The following PCLO variants were observed in gnomAD, a reference collection of about 807,000 sequenced individuals.
PCLO encodes the protein piccolo presynaptic cytomatrix protein, also known as protein piccolo.
PCLO carries 82 observed loss-of-function variants against 427.5 expected under a neutral mutation model. That is an observed-to-expected ratio of 0.19 (90% CI 0.16 to 0.23). The LOEUF is 0.23. Among genes scored for constraint, PCLO ranks in the 10% least tolerant of loss-of-function variants. PCLO has a pLI of 1.00. For missense variants in PCLO, 6,239 were observed against 6,115.9 expected, an observed-to-expected ratio of 1.02 and a Z score of -0.67; for synonymous variants, 2,357 against 2,155.4, an observed-to-expected ratio of 1.09 and a Z score of -2.59.
rs781257238 is a variant in PCLO at position 83,156,196 on chromosome 7, T to C, written c.445A>G (p.Lys149Glu). 3 of 1,613,676 alleles carry C rather than the reference T, an allele frequency of 1.9e-6. No individual in the cohort carries two copies. The East Asian group carries it at 6.7e-5, about 36-fold the overall frequency. Residue 149 changes from lysine to glutamate, a missense_variant, in exon 2 of 25, where the codon AAG becomes GAG. Physicochemically the swap from Lys to Glu is moderately conservative, Grantham distance 56 (BLOSUM62 1). This residue lies in a region of PCLO where 4,677 missense variants were observed against 4,468.4 expected (regional missense o/e 1.05). Coordinates refer to ENST00000333891, the MANE Select transcript of PCLO (RefSeq NM_033026.6). The part of the protein sequence containing the change: ...KSRTDLKEEH[K>E]SSMMPGFLSE... ...AGGAAGCCAGGCATCATACTAGACTTGTGCTCTTCCTTTAAATCAGTTCTG... is the reference window on the plus strand; with the variant it reads ...AGGAAGCCAGGCATCATACTAGACTCGTGCTCTTCCTTTAAATCAGTTCTG...
Position 83,150,215 on chromosome 7 carries a change from C to T in PCLO, c.1893+4533G>A, listed in dbSNP as rs1792095087. 2.0e-5 allele frequency among the ~76,000 whole-genome samples: 3 copies of T among 152,086 alleles called. No homozygotes were observed. The South Asian group carries it at 6.2e-4, about 32-fold the overall frequency. The stretch of plus-strand genomic sequence containing the variant: ...AAGAGATAAAGTAAATCAACGAAAA[C>T]AATATACTTCTGCCTCCAATTAGAA... On this transcript the variant is annotated intron_variant, in intron 2 of 24. Coordinates refer to ENST00000333891, the MANE Select transcript of PCLO (RefSeq NM_033026.6).
chr7:82,820,692 A>G (rs1051615448), intron 20 of PCLO: 13 of 1,230,832 alleles, frequency 1.1e-5, no homozygotes, highest in Non-Finnish European at 3.0e-6. Flanking sequence ...CTAAATTTTT[A>G]AAAGTTACAC....
At chr7:83,045,174 T>G (rs1168964531) in intron 3 of PCLO, among the ~76,000 whole-genome samples, 2 of 152,174 alleles carry the variant, frequency 1.3e-5, no homozygotes, top group African/African-American at 4.8e-5. Flanking sequence ...CTAATAAGTC[T>G]TGGGTGGTAA....
chr7:82,798,358 A>G (rs1187062956), intron 22 of PCLO, among the ~76,000 whole-genome samples: 2 of 151,948 alleles, frequency 1.3e-5, no homozygotes, highest in Admixed American at 6.6e-5. Context: ...TATTTTGTCT[A>G]AAAAAAATTG....
At chr7:83,083,651 T>C (rs1332241872) in intron 3 of PCLO, among the ~76,000 whole-genome samples, 1 of 152,014 alleles carries the variant, frequency 6.6e-6, no homozygotes, top group Non-Finnish European at 1.5e-5. Context: ...AGATGGTAAA[T>C]GAGTCTGTTT....
intron 20 of PCLO, among the ~76,000 whole-genome samples, chr7:82,807,639 T>C (rs568828293): frequency 2.0e-4 from 31 of 152,026 alleles, no homozygotes; most frequent in Non-Finnish European, 3.4e-4. Context: ...GGTAGCAGGT[T>C]CTCTAAAGCC....
At chr7:83,125,133 G>T (rs1791399814) in intron 3 of PCLO, among the ~76,000 whole-genome samples, 1 of 152,120 alleles carries the variant, frequency 6.6e-6, no homozygotes, top group African/African-American at 2.4e-5. Flanking sequence ...GCCTGCCTTG[G>T]CCTCCCAAAG....
chr7:83,110,886 C>T (rs1008540614), intron 3 of PCLO, among the ~76,000 whole-genome samples: 6 of 152,060 alleles, frequency 3.9e-5, no homozygotes, highest in Admixed American at 1.3e-4. Flanking sequence ...GTTCATTTAG[C>T]AAAGCAATGA....
At chr7:82,999,223 G>GAT (rs1218952026) in intron 3 of PCLO, among the ~76,000 whole-genome samples, 4 of 139,370 alleles carry the variant, frequency 2.9e-5, no homozygotes, top group Non-Finnish European at 6.1e-5. Flanking sequence ...AAGATATATG[G>GAT]ATATATATAT....
chr7:82,954,453 G>A lies in PCLO; in HGVS notation c.6500C>T (p.Ser2167Leu), dbSNP rs377569458. ...IAHESLILTY[S>L]EPSESATSVP... is the part of the protein sequence containing the mutation. ...AGATGTAGCACTTTCTGAAGGCTCC[G>A]AGTAGGTCAAAATCAGCGATTCATG... The change falls in exon 5 of 25, where the codon TCG becomes TTG. Residue 2167 changes from serine to leucine, a missense_variant. By Grantham distance (145) the Ser-to-Leu change is moderately radical. Coordinates refer to ENST00000333891, the MANE Select transcript of PCLO (RefSeq NM_033026.6). 184 of 1,613,802 alleles carry A rather than the reference G, an allele frequency of 1.1e-4. No individual in the cohort carries two copies. Among genetic ancestry groups the A allele is most frequent in the Non-Finnish European group, 1.4e-4 (167 of 1,179,838 alleles).
chr7:82,879,287 T>C, intron 10 of PCLO, 50 bp downstream of exon 10: 4 of 1,457,448 alleles, frequency 2.7e-6, no homozygotes, highest in Non-Finnish European at 2.8e-6. Context: ...TAAAATGTAT[T>C]TAATATGAGT....
At position 82,952,734 on chromosome 7, in the gene PCLO, G is replaced by A; in HGVS notation, c.8219C>T (p.Thr2740Ile). The A allele has an allele frequency of 1.9e-6, 3 of 1,613,612 alleles. No individual in the cohort carries two copies. Among genetic ancestry groups the A allele is most frequent in the Non-Finnish European group, 2.5e-6 (3 of 1,179,682 alleles). The change falls in exon 5 of 25, where the codon ACA becomes ATA. Residue 2740 changes from threonine to isoleucine, a missense_variant. Thr to Ile is a moderately conservative substitution (Grantham distance 89). Transcript: ENST00000333891. ...LRTVPKVEVK[T>I]TDKCIDLSAS... ...AGAAAGATCAATACATTTATCAGTT[G>A]TTTTAACTTCTACCTTTGGTACTGT...
chr7:82,919,558 C>A (rs937767368), intron 6 of PCLO, among the ~76,000 whole-genome samples: 2 of 151,928 alleles, frequency 1.3e-5, no homozygotes, highest in African/African-American at 4.8e-5. Flanking sequence ...ACTGCATTGA[C>A]AGGTTGAAAT....
rs549241407 is a variant in PCLO, at chr7:82,847,062, T to A, written c.13763+77A>T. 4.7e-5 allele frequency: 34 copies of A among 722,382 alleles called. No homozygotes were observed. The South Asian group carries it at 5.8e-4, about 12-fold the overall frequency. 44.7% of individuals were successfully genotyped at this position (722,382 alleles called of 1,614,324 possible). ...AGAAAATCTTGCTAACTGGCAAAGG[T>A]TCCACCTTAACAATTTTAAATTAAA... On this transcript the variant is annotated intron_variant, in intron 11 of 24. Coordinates refer to ENST00000333891, the MANE Select transcript of PCLO (RefSeq NM_033026.6).
At chr7:83,067,284 AG>A (rs1789692497) in intron 3 of PCLO, among the ~76,000 whole-genome samples, 1 of 152,166 alleles carries the variant, frequency 6.6e-6, no homozygotes, top group African/African-American at 2.4e-5. Flanking sequence ...ACACATGAAA[AG>A]GGGTAGTACA....
At chr7:83,025,649 T>C (rs1405781637) in intron 3 of PCLO, among the ~76,000 whole-genome samples, 2 of 151,028 alleles carry the variant, frequency 1.3e-5, no homozygotes, top group African/African-American at 4.8e-5. Context: ...AGACACATAA[T>C]TGTCAGATTC....
chr7:83,000,867 A>T (rs893263199), intron 3 of PCLO, among the ~76,000 whole-genome samples: 5 of 152,098 alleles, frequency 3.3e-5, no homozygotes, highest in African/African-American at 1.2e-4. Flanking sequence ...TTTAACTGAT[A>T]AATTTGTTCA....
Position 83,035,822 on chromosome 7 carries a change from ATTC to A in PCLO, c.3301-69338_3301-69336del, listed in dbSNP as rs551456235. 4.4e-3 allele frequency among the ~76,000 whole-genome samples: 676 copies of A among 152,242 alleles called. 1 individual carries two copies. The highest frequency in any genetic ancestry group is 0.017 in the Middle Eastern group (5 of 294). ...TCTGTCCTTACTTTGTGACAGTCTTATTCTGAGTATTCTCTCTGATTCATTTAC... is the reference window on the plus strand; with the variant it reads ...TCTGTCCTTACTTTGTGACAGTCTTATGAGTATTCTCTCTGATTCATTTAC... On this transcript the variant is annotated intron_variant, in intron 3 of 24. Coordinates refer to ENST00000333891, the MANE Select transcript of PCLO (RefSeq NM_033026.6).
At chr7:83,068,374 T>C (rs1474659207) in intron 3 of PCLO, among the ~76,000 whole-genome samples, 1 of 151,944 alleles carries the variant, frequency 6.6e-6, no homozygotes, top group East Asian at 1.9e-4. Context: ...GGGATTAATA[T>C]CCAAAATATA....
Sources: gnomAD v4.1 joint callset for allele counts (sites outside exome capture counted in the v4.1 genomes callset) on GRCh38, gnomAD v4.1.1 for gene constraint, gnomAD v4.1.1 regional missense constraint, MANE v1.5 for transcripts, NCBI Gene and HGNC (gene_info 2026-07-23, HGNC 2026-07-21) for gene names.